RUNX2: variants seen among roughly 807,000 people sequenced by gnomAD.
RUNX2 encodes the protein RUNX family transcription factor 2, also known as runt-related transcription factor 2.
RUNX2 carries 10 observed loss-of-function variants against 51.7 expected under a neutral mutation model. The observed-to-expected ratio is 0.19, with a 90% CI of 0.12 to 0.33. The LOEUF is 0.33. Ranked by LOEUF, RUNX2 falls within the 10% of genes least tolerant of loss-of-function variation. The pLI is 1.00. For missense variants in RUNX2, 562 were observed against 691.3 expected (o/e 0.81, Z 2.10); for synonymous variants, 276 against 273.6 (o/e 1.01, Z -0.09).
At chr6:45,512,465 A>G in intron 7 of RUNX2, 58 bp downstream of exon 7, 1 of 1,587,392 alleles carries the variant, frequency 6.3e-7, no homozygotes, top group Non-Finnish European at 8.6e-7. Flanking sequence ...GGGGAGTGGG[A>G]TGGGCTGAGC....
In RUNX2 at chr6:45,431,903, C is replaced by A; in HGVS notation, c.464C>A (p.Thr155Asn). 6.2e-7 allele frequency: 1 copy of A among 1,614,146 alleles called. No homozygotes were observed. The highest frequency in any genetic ancestry group is 8.5e-7 in the Non-Finnish European group (1 of 1,180,012). The stretch of plus-strand genomic sequence containing the variant: ...GAGGTACCAGATGGGACTGTGGTTA[C>A]TGTCATGGCGGGTAACGATGAAAAT... ...LGEVPDGTVV[T>N]VMAGNDENYS... is the part of the protein sequence containing the mutation. The change falls in exon 4 of 9, where the codon ACT becomes AAT. Residue 155 changes from threonine to asparagine, a missense_variant. By Grantham distance (65) the Thr-to-Asn change is moderately conservative. This residue lies in a region of RUNX2 where 67 missense variants were observed against 106.5 expected (regional missense o/e 0.63). Transcript: ENST00000647337.
chr6:45,544,410 A>G (rs1317256671), intron 7 of RUNX2, among the ~76,000 whole-genome samples: 3 of 152,184 alleles, frequency 2.0e-5, no homozygotes, highest in Non-Finnish European at 4.4e-5. Flanking sequence ...ACCATATTGG[A>G]GTTTACTGCC....
chr6:45,530,803 T>C (rs1400339248), intron 7 of RUNX2, among the ~76,000 whole-genome samples: 1 of 152,170 alleles, frequency 6.6e-6, no homozygotes, highest in Non-Finnish European at 1.5e-5. Flanking sequence ...CGGAAAGTAC[T>C]TAAAGCTCAC....
At chr6:45,436,906 A>T (rs1798700286) in intron 4 of RUNX2, among the ~76,000 whole-genome samples, 1 of 152,244 alleles carries the variant, frequency 6.6e-6, no homozygotes, top group Non-Finnish European at 1.5e-5. Flanking sequence ...GGTCTGTTAC[A>T]GGAGCAGACT....
At chr6:45,501,834 GGGCTGCAAGCA>G (rs1289159049) in intron 6 of RUNX2, among the ~76,000 whole-genome samples, 1 of 152,080 alleles carries the variant, frequency 6.6e-6, no homozygotes, top group Non-Finnish European at 1.5e-5. Flanking sequence ...TGTTTTTAGT[GGGCTGCAAGCA>G]AGTCAACACC....
intron 6 of RUNX2, among the ~76,000 whole-genome samples, chr6:45,493,939 T>C (rs951832846): frequency 6.6e-6 from 1 of 152,206 alleles, no homozygotes; most frequent in African/African-American, 2.4e-5. Context: ...ATGCTGTTAA[T>C]GACTAATGCT....
At chr6:45,410,830 A>G (rs1430701289) in intron 2 of RUNX2, among the ~76,000 whole-genome samples, 1 of 152,244 alleles carries the variant, frequency 6.6e-6, no homozygotes, top group Non-Finnish European at 1.5e-5. Context: ...CATATTGGAC[A>G]TGCTGACCTT....
intron 2 of RUNX2, among the ~76,000 whole-genome samples, chr6:45,390,423 G>T (rs1363130350): frequency 1.3e-5 from 2 of 152,312 alleles, no homozygotes; most frequent in East Asian, 3.9e-4. Context: ...ACAGGAAACA[G>T]ATAAATTATC....
intron 2 of RUNX2, among the ~76,000 whole-genome samples, chr6:45,413,471 C>A (rs1034495318): frequency 7.1e-6 from 1 of 141,018 alleles, no homozygotes; most frequent in African/African-American, 2.7e-5. Flanking sequence ...CAGCCTGTTG[C>A]CCAGGCTGGA....
At chr6:45,350,191 G>C (rs1482362054) in intron 2 of RUNX2, among the ~76,000 whole-genome samples, 2 of 152,146 alleles carry the variant, frequency 1.3e-5, no homozygotes, top group African/African-American at 2.4e-5. Context: ...TAAGGATTTT[G>C]TGTTTGTTTT....
chr6:45,331,946 T>C (rs569988390), intron 2 of RUNX2, among the ~76,000 whole-genome samples: 7 of 151,986 alleles, frequency 4.6e-5, no homozygotes, highest in Non-Finnish European at 1.0e-4. Context: ...ACTGAAATAT[T>C]TGATGGTTAA....
chr6:45,529,777 A>G (rs532937221), intron 7 of RUNX2, among the ~76,000 whole-genome samples: 1 of 152,330 alleles, frequency 6.6e-6, no homozygotes, highest in South Asian at 2.1e-4. Context: ...AGGGTAGTTT[A>G]TTGAAAAGAG....
At chr6:45,545,827 T>C (rs1014260882) in intron 8 of RUNX2, among the ~76,000 whole-genome samples, 1 of 152,214 alleles carries the variant, frequency 6.6e-6, no homozygotes, top group African/African-American at 2.4e-5. Flanking sequence ...AATTTCCACA[T>C]GAAATGGTTT....
intron 6 of RUNX2, among the ~76,000 whole-genome samples, chr6:45,505,029 T>C (rs1800918729): frequency 6.6e-6 from 1 of 152,222 alleles, no homozygotes; most frequent in South Asian, 2.1e-4. Flanking sequence ...AGAAGCCTGC[T>C]GGCCGCAGGA....
intron 2 of RUNX2, among the ~76,000 whole-genome samples, chr6:45,355,584 G>C (rs1047148668): frequency 2.0e-5 from 3 of 151,952 alleles, no homozygotes; most frequent in Non-Finnish European, 4.4e-5. Flanking sequence ...CTCAGATGTA[G>C]CATTATTTTT....
chr6:45,328,680 T>C lies in RUNX2; in HGVS notation c.-47T>C. The stretch of plus-strand genomic sequence containing the variant: ...TTTCAGTTTAAGGCTGCAAGCAGTA[T>C]TTACAACAGAGGGTACAAGTTCTAT... On this transcript the variant is annotated 5_prime_UTR_variant, in exon 2 of 9. Coordinates refer to ENST00000647337, the MANE Select transcript of RUNX2 (RefSeq NM_001024630.4). 3 of 1,611,702 alleles carry C rather than the reference T, an allele frequency of 1.9e-6. No homozygotes were observed. The highest frequency in any genetic ancestry group is 1.1e-5 in the South Asian group (1 of 91,046).
At chr6:45,500,813 C>T (rs754383610) in intron 6 of RUNX2, among the ~76,000 whole-genome samples, 10 of 152,120 alleles carry the variant, frequency 6.6e-5, no homozygotes, top group East Asian at 3.8e-4. Context: ...TGTCGTGGAC[C>T]GTCTGTCTGC....
At chr6:45,417,251 T>A (rs1046429222) in intron 2 of RUNX2, among the ~76,000 whole-genome samples, 1 of 152,218 alleles carries the variant, frequency 6.6e-6, no homozygotes, top group African/African-American at 2.4e-5. Flanking sequence ...ACCTTACCTA[T>A]TTTTTATGTT....
chr6:45,362,024 G>T lies in RUNX2; in HGVS notation c.58+33240G>T, dbSNP rs144426135. ...AGAGATCAGGCAACTGCACTCCAGC[G>T]CCTGGGCAACAAAGCTAGATTCCTC... On this transcript the variant is annotated intron_variant, in intron 2 of 8. Coordinates refer to ENST00000647337, the MANE Select transcript of RUNX2 (RefSeq NM_001024630.4). Among the ~76,000 whole-genome samples the T allele has an allele frequency of 1.3e-3, 202 of 152,094 alleles. 2 individuals are homozygous for T. Among genetic ancestry groups the T allele is most frequent in the Non-Finnish European group, 2.4e-3 (165 of 67,986 alleles).
Sources: allele counts gnomAD v4.1 joint callset (sites outside exome capture counted in the v4.1 genomes callset), GRCh38; gene constraint gnomAD v4.1.1; regional missense constraint gnomAD v4.1.1; transcripts MANE v1.5; gene names NCBI Gene and HGNC (gene_info 2026-07-23, HGNC 2026-07-21).